OR2I1: variants seen among roughly 807,000 people sequenced by gnomAD.
OR2I1 encodes olfactory receptor family 2 subfamily I member 1 (gene/pseudogene).
At chr6:29,553,614 G>C in the OR2I1 span, 5 of 398,360 alleles carry the variant, frequency 1.3e-5, no homozygotes, top group East Asian at 7.1e-5. Context: ...TGCGCTATGC[G>C]GGGCTCGTCT....
At chr6:29,552,782 T>A in the OR2I1 span, 1 of 153,960 alleles carries the variant, frequency 6.5e-6, no homozygotes, top group Non-Finnish European at 1.4e-5. Context: ...TTGGTTGAGC[T>A]TAAGTTCTGT....
the OR2I1 span, chr6:29,553,960 G>C: frequency 2.8e-5 from 11 of 398,666 alleles, no homozygotes; most frequent in Admixed American, 4.0e-4. Context: ...CCTGACAGCC[G>C]TCTGCCTGTT....
chr6:29,554,481 T>G, the OR2I1 span: 3 of 225,976 alleles, frequency 1.3e-5, no homozygotes. Context: ...GAAGACCTCT[T>G]GGTCTCTGCA....
the OR2I1 span, chr6:29,553,297 T>C: frequency 2.5e-6 from 1 of 399,380 alleles, no homozygotes. Flanking sequence ...GCCGGTCCTC[T>C]TCGCCCTTGT....
the OR2I1 span, chr6:29,550,443 T>G: frequency 6.6e-6 from 1 of 152,082 alleles, no homozygotes; most frequent in Non-Finnish European, 1.5e-5. Context: ...TCTCTAACTG[T>G]GTCCTTTAGA....
At chr6:29,553,164 A>G in the OR2I1 span, 2 of 398,528 alleles carry the variant, frequency 5.0e-6, no homozygotes, top group Non-Finnish European at 8.8e-6. Context: ...TTTGCTTATA[A>G]GGGGTAGTCA....
At chr6:29,557,656 C>G in the OR2I1 span, 3 of 152,304 alleles carry the variant, frequency 2.0e-5, no homozygotes, top group East Asian at 5.8e-4. Flanking sequence ...TGTCACCTTT[C>G]CTCCTGCAAA....
At chr6:29,553,183 T>A in the OR2I1 span, 1 of 398,610 alleles carries the variant, frequency 2.5e-6, no homozygotes, top group East Asian at 3.6e-5. Flanking sequence ...CACCCTTTTT[T>A]ATTTCGACCT....
chr6:29,553,333 A>G, the OR2I1 span: 1 of 399,394 alleles, frequency 2.5e-6, no homozygotes, highest in Non-Finnish European at 4.4e-6. Flanking sequence ...CCTGACCTTG[A>G]CGGGCAACTC....
the OR2I1 span, chr6:29,556,865 G>A: frequency 6.4e-6 from 1 of 155,170 alleles, no homozygotes; most frequent in Non-Finnish European, 1.4e-5. Context: ...GCTGAGGCAG[G>A]AGAATCATTT....
At chr6:29,556,514 C>T in the OR2I1 span, 2 of 579,566 alleles carry the variant, frequency 3.5e-6, no homozygotes, top group African/African-American at 3.7e-5. Context: ...TTTGGAATTA[C>T]CAAGTTACAA....
chr6:29,556,376 T>A, the OR2I1 span: 3 of 1,575,444 alleles, frequency 1.9e-6, no homozygotes, highest in Non-Finnish European at 1.7e-6. Flanking sequence ...CACAAGACAG[T>A]TACCTAGGAT....
chr6:29,555,160 A>G, the OR2I1 span: 1 of 152,212 alleles, frequency 6.6e-6, no homozygotes. Context: ...AATCCCCACT[A>G]GTTAAACAGA....
At chr6:29,556,332 C>G in the OR2I1 span, 1 of 1,611,714 alleles carries the variant, frequency 6.2e-7, no homozygotes, top group African/African-American at 1.3e-5. Context: ...AAATCCCATT[C>G]CTCGGAACGG....
chr6:29,553,103 A>G, the OR2I1 span: 2 of 397,682 alleles, frequency 5.0e-6, no homozygotes, highest in East Asian at 3.6e-5. Context: ...CTGACCTTGT[A>G]TATGATTCCA....
At chr6:29,556,019 T>G in the OR2I1 span, 2 of 1,613,118 alleles carry the variant, frequency 1.2e-6, no homozygotes, top group Non-Finnish European at 1.7e-6. Flanking sequence ...CGTCTTAGTC[T>G]CGATCATTGC....
the OR2I1 span, chr6:29,556,771 A>G: frequency 6.0e-6 from 1 of 167,100 alleles, no homozygotes; most frequent in African/African-American, 2.4e-5. Flanking sequence ...AGCCTGGTGA[A>G]CTTGGTGAAA....
chr6:29,555,585 G>A, the OR2I1 span: 1 of 408,430 alleles, frequency 2.4e-6, no homozygotes, highest in Non-Finnish European at 4.3e-6. Context: ...AAATAACAAG[G>A]TATCAAGACA....
the OR2I1 span, chr6:29,557,721 C>T: frequency 1.3e-5 from 2 of 152,218 alleles, no homozygotes; most frequent in Non-Finnish European, 2.9e-5. Context: ...GTCAGAATGG[C>T]TACCTTGCAG....
Sources: gnomAD v4.1 joint callset for allele counts on GRCh38, gnomAD v4.1.1 for gene constraint, MANE v1.5 for transcripts, NCBI Gene and HGNC (gene_info 2026-07-23, HGNC 2026-07-21) for gene names.